FRMD4A: variants seen among roughly 807,000 people sequenced by gnomAD.
The protein encoded by FRMD4A is FERM domain containing 4A.
FRMD4A carries 29 observed loss-of-function variants against 129.1 expected under a neutral mutation model. That is an observed-to-expected ratio of 0.22 (90% CI 0.17 to 0.31). The LOEUF (loss-of-function observed/expected upper bound fraction) is 0.31. FRMD4A is among the 10% of genes least tolerant of loss of function. FRMD4A has a pLI of 1.00. For missense variants in FRMD4A, 1,272 were observed against 1,375.8 expected (o/e 0.92, Z 1.19); for synonymous variants, 634 against 571.6 (o/e 1.11, Z -1.56).
intron 2 of FRMD4A, among the ~76,000 whole-genome samples, chr10:13,974,565 C>T (rs11258767): frequency 0.31 from 46,889 of 151,978 alleles, 7,712 homozygotes; most frequent in East Asian, 0.6. Context: ...CTCGCTCTGT[C>T]GCCCAGGGTG....
At position 13,834,687 on chromosome 10, in the gene FRMD4A, C is replaced by G. The variant is rs41506144; in HGVS notation, c.112-23779G>C. On this transcript the variant is annotated intron_variant, in intron 3 of 24. Coordinates refer to ENST00000357447, the MANE Select transcript of FRMD4A (RefSeq NM_018027.5). Reference sequence around the variant, plus strand: ...GAGTCATCTTCAGCATTACAAAGCACGTCAGGAGAACAAGGCACGGGGCTC... The same window carrying G: ...GAGTCATCTTCAGCATTACAAAGCAGGTCAGGAGAACAAGGCACGGGGCTC... 7.7e-3 allele frequency among the ~76,000 whole-genome samples: 1,165 copies of G among 152,232 alleles called. 44 individuals carry two copies. The East Asian group carries it at 0.11, about 14-fold the overall frequency.
At chr10:13,904,065 G>A (rs190046424) in intron 2 of FRMD4A, among the ~76,000 whole-genome samples, 211 of 152,286 alleles carry the variant, frequency 1.4e-3, no homozygotes, top group East Asian at 0.013. Flanking sequence ...CACACCCCGA[G>A]TGAAGCTGAA....
At position 13,740,823 on chromosome 10, in the gene FRMD4A, G is replaced by GTTTTTTTTTTTTTTTTT. The variant is rs369798483; in HGVS notation, c.549-247_549-246insAAAAAAAAAAAAAAAAA. On this transcript the variant is annotated intron_variant, in intron 9 of 24. Transcript: ENST00000357447. Reference sequence around the variant, plus strand: ...GACTTGCATTCTCTTTGTCTTGGATGTTTGTTTTTTTTTTTTTTTTTGAGA... The same window carrying GTTTTTTTTTTTTTTTTT: ...GACTTGCATTCTCTTTGTCTTGGATGTTTTTTTTTTTTTTTTTTTTGTTTTTTTTTTTTTTTTTGAGA... Among the ~76,000 whole-genome samples the GTTTTTTTTTTTTTTTTT allele has an allele frequency of 2.9e-5, 3 of 105,108 alleles. 1 individual carries two copies. Among genetic ancestry groups the GTTTTTTTTTTTTTTTTT allele is most frequent in the Non-Finnish European group, 1.8e-5 (1 of 55,062 alleles). 69.0% of individuals were successfully genotyped at this position (105,108 alleles called of 152,430 possible). A position where few individuals can be genotyped will look rare whatever the true frequency, so the allele number is the denominator to read the frequency against.
chr10:13,884,674 C>A (rs1331195537), intron 2 of FRMD4A, among the ~76,000 whole-genome samples: 2 of 152,158 alleles, frequency 1.3e-5, no homozygotes, highest in African/African-American at 4.8e-5. Flanking sequence ...TGTAGTAGAG[C>A]CCTGGGCTCT....
chr10:13,938,122 A>C (rs2095262865), intron 2 of FRMD4A, among the ~76,000 whole-genome samples: 1 of 152,240 alleles, frequency 6.6e-6, no homozygotes, highest in Non-Finnish European at 1.5e-5. Flanking sequence ...TAATTTTTAA[A>C]GACCTTCAAA....
At chr10:13,677,079 C>T (rs1461917183) in intron 15 of FRMD4A, among the ~76,000 whole-genome samples, 1 of 152,088 alleles carries the variant, frequency 6.6e-6, no homozygotes, top group Non-Finnish European at 1.5e-5. Context: ...TTAAATTGTC[C>T]CCATAAATAT....
At chr10:13,922,661 A>C (rs2095086628) in intron 2 of FRMD4A, among the ~76,000 whole-genome samples, 1 of 152,246 alleles carries the variant, frequency 6.6e-6, no homozygotes, top group Non-Finnish European at 1.5e-5. Context: ...TGACAAGATC[A>C]TACTGCTTCT....
chr10:13,693,725 G>A, intron 15 of FRMD4A, 173 bp downstream of exon 15: 1 of 776,618 alleles, frequency 1.3e-6, no homozygotes, highest in Non-Finnish European at 2.2e-6. Flanking sequence ...TGATTCCTGG[G>A]AGCAGTTTTC....
chr10:13,830,813 A>G (rs780104761), intron 3 of FRMD4A, among the ~76,000 whole-genome samples: 2 of 152,124 alleles, frequency 1.3e-5, no homozygotes, highest in Non-Finnish European at 2.9e-5. Context: ...TATTAGAGAC[A>G]GAGTCTCGCT....
At chr10:14,325,890 T>C (rs1015432637) in intron 2 of FRMD4A, among the ~76,000 whole-genome samples, 1 of 152,212 alleles carries the variant, frequency 6.6e-6, no homozygotes, top group Non-Finnish European at 1.5e-5. Flanking sequence ...GCTGGTCTAT[T>C]CAAAAGAAGC....
intron 16 of FRMD4A, among the ~76,000 whole-genome samples, chr10:13,672,117 G>GTGTACACGTGACATGAGCA (rs1387793780): frequency 5.9e-5 from 9 of 152,236 alleles, no homozygotes; most frequent in African/African-American, 2.2e-4. Flanking sequence ...GTGTGTACAT[G>GTGTACACGTGACATGAGCA]TGTACACGTG....
At chr10:13,809,076 G>C (rs550039776) in intron 4 of FRMD4A, among the ~76,000 whole-genome samples, 1 of 152,342 alleles carries the variant, frequency 6.6e-6, no homozygotes, top group East Asian at 1.9e-4. Flanking sequence ...TAGCTGGATG[G>C]GGAAGCTGAA....
intron 2 of FRMD4A, among the ~76,000 whole-genome samples, chr10:14,188,352 A>G (rs1328328585): frequency 6.6e-6 from 1 of 152,148 alleles, no homozygotes; most frequent in Admixed American, 6.5e-5. Flanking sequence ...ACAATTGGGC[A>G]CATAGCACTC....
Position 13,684,852 on chromosome 10 carries a change from C to T in FRMD4A, c.1117+9046G>A, listed in dbSNP as rs890307427. The T allele has an allele frequency of 3.9e-5, 38 of 980,692 alleles. 1 individual carries two copies. The highest frequency in any genetic ancestry group is 5.2e-4 in the Middle Eastern group (1 of 1,910). 60.7% of individuals were successfully genotyped at this position (980,692 alleles called of 1,614,324 possible). A position where few individuals can be genotyped will look rare whatever the true frequency, so the allele number is the denominator to read the frequency against. The stretch of plus-strand genomic sequence containing the variant: ...GAACTAAAGAAGGGAAATGACAATC[C>T]GTCTCTTTAGACCTTAGAGAAAAAA... On this transcript the variant is annotated intron_variant, in intron 15 of 24. Transcript: ENST00000357447.
At chr10:13,928,286 T>C (rs1239868497) in intron 2 of FRMD4A, among the ~76,000 whole-genome samples, 1 of 152,102 alleles carries the variant, frequency 6.6e-6, no homozygotes, top group Admixed American at 6.5e-5. Flanking sequence ...TCTCCCAAAG[T>C]GCTGAAAGGC....
intron 2 of FRMD4A, among the ~76,000 whole-genome samples, chr10:14,130,696 C>T (rs1017236789): frequency 6.6e-6 from 1 of 152,170 alleles, no homozygotes; most frequent in African/African-American, 2.4e-5. Context: ...TGATGATCAT[C>T]GTACCTAAAA....
At chr10:14,071,891 T>C (rs1459390883) in intron 2 of FRMD4A, among the ~76,000 whole-genome samples, 1 of 152,022 alleles carries the variant, frequency 6.6e-6, no homozygotes, top group Non-Finnish European at 1.5e-5. Context: ...GCTGAAAGGG[T>C]GAAAGAAGGA....
intron 3 of FRMD4A, among the ~76,000 whole-genome samples, chr10:13,847,425 C>G (rs1402216575): frequency 1.3e-5 from 2 of 152,156 alleles, no homozygotes; most frequent in Non-Finnish European, 2.9e-5. Flanking sequence ...TTTCCCCAGA[C>G]CGTTCGCTTC....
chr10:13,967,898 T>C (rs1588612778), intron 2 of FRMD4A, among the ~76,000 whole-genome samples: 1 of 152,202 alleles, frequency 6.6e-6, no homozygotes, highest in Admixed American at 6.5e-5. Context: ...ATACAAAAAT[T>C]AGCTGGGCGT....
Sources: gnomAD v4.1 joint callset for allele counts (sites outside exome capture counted in the v4.1 genomes callset) on GRCh38, gnomAD v4.1.1 for gene constraint, MANE v1.5 for transcripts, NCBI Gene and HGNC (gene_info 2026-07-23, HGNC 2026-07-21) for gene names.